Variants in SYTL1 observed in about 807,000 individuals in gnomAD.
The protein encoded by SYTL1 is synaptotagmin-like protein 1.
SYTL1 carries 53 observed loss-of-function variants against 74.6 expected under a neutral mutation model. The observed-to-expected ratio is 0.71, with a 90% CI of 0.57 to 0.89. The LOEUF (loss-of-function observed/expected upper bound fraction) is 0.89, where lower values mean the gene tolerates loss of function less well. Ranked by LOEUF, SYTL1 falls within the 40% of genes least tolerant of loss-of-function variation. SYTL1 has a pLI of 0.00. For synonymous variants in SYTL1, 329 were observed against 324.9 expected (o/e 1.01, Z -0.14); for missense variants, 728 against 768.7 (o/e 0.95, Z 0.63).
In SYTL1 at chr1:27,347,907, G is replaced by A. The variant is rs1213399681; in HGVS notation, c.413+27G>A. The A allele has an allele frequency of 1.2e-6, 2 of 1,613,634 alleles. No individual in the cohort carries two copies. Among genetic ancestry groups the A allele is most frequent in the East Asian group, 2.2e-5 (1 of 44,890 alleles). ...TGAGGAGGAGTCTCAGGAAGGGGGAGATGGTGCCCACCAGTCACCAGGGTC... is the reference window on the plus strand; with the variant it reads ...TGAGGAGGAGTCTCAGGAAGGGGGAAATGGTGCCCACCAGTCACCAGGGTC... On this transcript the variant is annotated intron_variant, in intron 4 of 14. Coordinates refer to ENST00000616558, the MANE Select transcript of SYTL1 (RefSeq NM_001193308.2). This position sits in a 1 kb window ranked among gnomAD's most constrained non-coding sequence, Gnocchi z 4.9.
In SYTL1 at chr1:27,350,575, A is replaced by G. The variant is rs41291092; in HGVS notation, c.1005+90A>G. On this transcript the variant is annotated intron_variant, in intron 10 of 14. Transcript: ENST00000616558. The surrounding 1 kb of genome is among the most constrained non-coding windows in gnomAD (Gnocchi z 6.3). ...GGTGGCAAGGGCAGCCAGTAACGTC[A>G]TTGCCCGGAGGATCGGCGGAGGGGG... 5 of 1,213,660 alleles carry G rather than the reference A, an allele frequency of 4.1e-6. No individual in the cohort carries two copies. The highest frequency in any genetic ancestry group is 1.5e-5 in the African/African-American group (1 of 67,002). 75.2% of individuals were successfully genotyped at this position (1,213,660 alleles called of 1,614,324 possible). A position where few individuals can be genotyped will look rare whatever the true frequency, so the allele number is the denominator to read the frequency against.
At position 27,351,362 on chromosome 1, in the gene SYTL1, C is replaced by A; in HGVS notation, c.1243+26C>A. ...GTGAGTGACAGCCGGAGAGGCCAAG[C>A]TGGACACGCCCTGAAAAGCGGGAGA... On this transcript the variant is annotated intron_variant, in intron 12 of 14. Transcript: ENST00000616558. This position sits in a 1 kb window ranked among gnomAD's most constrained non-coding sequence, Gnocchi z 5.0. The A allele has an allele frequency of 2.6e-6, 4 of 1,526,302 alleles. No homozygotes were observed. Among genetic ancestry groups the A allele is most frequent in the Non-Finnish European group, 3.5e-6 (4 of 1,133,678 alleles). 94.5% of individuals were successfully genotyped at this position (1,526,302 alleles called of 1,614,324 possible). A position where few individuals can be genotyped will look rare whatever the true frequency, so the allele number is the denominator to read the frequency against.
Position 27,343,657 on chromosome 1 carries a change from C to A in SYTL1, c.-39+1507C>A, listed in dbSNP as rs1328559473. Among the ~76,000 whole-genome samples the A allele has an allele frequency of 6.6e-6, 1 of 151,876 alleles. No individual in the cohort carries two copies. The highest frequency in any genetic ancestry group is 1.5e-5 in the Non-Finnish European group (1 of 67,968). On this transcript the variant is annotated intron_variant, in intron 1 of 14. Transcript: ENST00000616558. The surrounding 1 kb of genome is among the most constrained non-coding windows in gnomAD (Gnocchi z 5.2). ...AGGTGGGTGGTTGTATGTGTGCATTCCCATGTGTGTGCAGGCATATTTCTG... is the reference window on the plus strand; with the variant it reads ...AGGTGGGTGGTTGTATGTGTGCATTACCATGTGTGTGCAGGCATATTTCTG...
At chr1:27,353,240 AGTGTGAGGGGG>A in intron 13 of SYTL1, 32 bp from the exon 14 acceptor site, 1 of 1,542,572 alleles carries the variant, frequency 6.5e-7, no homozygotes, top group African/African-American at 1.4e-5. Context: ...GACTCTAGGG[AGTGTGAGGGGG>A]GTCACCTGAT....
chr1:27,346,588 C>A (rs1364838200), intron 2 of SYTL1, among the ~76,000 whole-genome samples: 2 of 151,960 alleles, frequency 1.3e-5, no homozygotes, highest in Non-Finnish European at 2.9e-5. Flanking sequence ...CACAGTGAGA[C>A]CCCATTCCTA....
chr1:27,353,525 A>G, intron 14 of SYTL1, 37 bp downstream of exon 14: 4 of 1,569,822 alleles, frequency 2.5e-6, no homozygotes, highest in Non-Finnish European at 3.5e-6. Flanking sequence ...GCCCTGGGAC[A>G]GGCCCTGGGA....
At chr1:27,353,239 G>A in intron 13 of SYTL1, 44 bp from the exon 14 acceptor site, 1 of 1,542,008 alleles carries the variant, frequency 6.5e-7, no homozygotes, top group Admixed American at 1.9e-5. Flanking sequence ...TGACTCTAGG[G>A]AGTGTGAGGG....
At position 27,351,676 on chromosome 1, in the gene SYTL1, G is replaced by C; in HGVS notation, c.1343+121G>C. The C allele has an allele frequency of 1.5e-6, 1 of 659,844 alleles. No individual in the cohort carries two copies. The highest frequency in any genetic ancestry group is 2.5e-6 in the Non-Finnish European group (1 of 397,414). The allele number at this position is 659,844 out of a possible 1,614,324, so 40.9% of individuals were successfully genotyped here. A position where few individuals can be genotyped will look rare whatever the true frequency, so the allele number is the denominator to read the frequency against. On this transcript the variant is annotated intron_variant, in intron 13 of 14. Coordinates refer to ENST00000616558, the MANE Select transcript of SYTL1 (RefSeq NM_001193308.2). The surrounding 1 kb of genome is among the most constrained non-coding windows in gnomAD (Gnocchi z 5.0). ...GCCTGGGCTTTCACCACTGAGCAGG[G>C]GTGAAGGGGACGGTTTGAGCAAAGG...
rs201041753 is a variant in SYTL1, at chr1:27,343,900, C to A, written c.-38-1397C>A. ...GGTGAACCCATCCGGGTGGGCCTAT[C>A]CCCATTGGTGTGCATATGCTGTGTG... On this transcript the variant is annotated intron_variant, in intron 1 of 14. Transcript: ENST00000616558. The surrounding 1 kb of genome is among the most constrained non-coding windows in gnomAD (Gnocchi z 5.2). Among the ~76,000 whole-genome samples, 11 of 152,238 alleles carry A rather than the reference C, an allele frequency of 7.2e-5. No individual in the cohort carries two copies. The East Asian group carries it at 2.1e-3, about 29-fold the overall frequency.
At position 27,351,466 on chromosome 1, in the gene SYTL1, G is replaced by A; in HGVS notation, c.1254G>A (p.Leu418=). The A allele has an allele frequency of 6.5e-7, 1 of 1,541,178 alleles. No individual in the cohort carries two copies. The highest frequency in any genetic ancestry group is 8.8e-7 in the Non-Finnish European group (1 of 1,142,332). Residue 418 remains leucine, a synonymous_variant, in exon 13 of 15, where the codon CTG becomes CTA. Transcript: ENST00000616558. The surrounding 1 kb of genome is among the most constrained non-coding windows in gnomAD (Gnocchi z 5.0). ...YVPAGSEGAG[L]PPSGELHFWV... ...CGAGCCTCTCCGCAGGCGCAGGACT[G>A]CCCCCGAGCGGGGAGCTGCACTTCT...
rs751196329 is a variant in SYTL1, at chr1:27,349,696, G to A, written c.678G>A (p.Pro226=). The change falls in exon 8 of 15, where the codon CCG becomes CCA. Residue 226 remains proline (P), a synonymous_variant. Transcript: ENST00000616558. Reference sequence around the variant, plus strand: ...TCCTGGAGAATGGGGAGGAGGCCCCGGGGCCCGACCCCTCTCTCGACCGCA... The same window carrying A: ...TCCTGGAGAATGGGGAGGAGGCCCCAGGGCCCGACCCCTCTCTCGACCGCA... ...SQILENGEEA[P]GPDPSLDRML... The A allele has an allele frequency of 1.8e-5, 29 of 1,611,166 alleles. No individual in the cohort carries two copies. The highest frequency in any genetic ancestry group is 1.8e-4 in the South Asian group (16 of 90,876).
In SYTL1 at chr1:27,342,229, C is replaced by T. The variant is rs1009344396; in HGVS notation, c.-39+79C>T. On this transcript the variant is annotated intron_variant, in intron 1 of 14. Coordinates refer to ENST00000616558, the MANE Select transcript of SYTL1 (RefSeq NM_001193308.2). The surrounding 1 kb of genome is among the most constrained non-coding windows in gnomAD (Gnocchi z 4.7). ...GCCACCTGGTATCCTGAGCACCCTC[C>T]AGCACCTTGGGGTTGGGGGAGGTGG... 1.6e-5 allele frequency: 10 copies of T among 610,606 alleles called. No individual in the cohort carries two copies. The highest frequency in any genetic ancestry group is 4.1e-6 in the Non-Finnish European group (2 of 487,932). 37.8% of individuals were successfully genotyped at this position (610,606 alleles called of 1,614,324 possible).
In SYTL1 at chr1:27,348,958, G is replaced by T; in HGVS notation, c.460-122G>T. ...GCTGGCTGCCAGCCCTGCCCGGAGG[G>T]CTGCCCTAAACCTGAAACTGGGGTA... is the stretch of plus-strand genomic sequence containing the variant. On this transcript the variant is annotated intron_variant, in intron 5 of 14. Coordinates refer to ENST00000616558, the MANE Select transcript of SYTL1 (RefSeq NM_001193308.2). The surrounding 1 kb of genome is among the most constrained non-coding windows in gnomAD (Gnocchi z 4.1). The T allele has an allele frequency of 6.6e-6, 5 of 756,460 alleles. No homozygotes were observed. The highest frequency in any genetic ancestry group is 1.1e-5 in the Non-Finnish European group (5 of 459,838). The allele number at this position is 756,460 out of a possible 1,614,324, so 46.9% of individuals were successfully genotyped here. A position where few individuals can be genotyped will look rare whatever the true frequency, so the allele number is the denominator to read the frequency against.
rs1329917817 is a variant in SYTL1 at position 27,348,740 on chromosome 1, GA to G, written c.460-334del. Among the ~76,000 whole-genome samples the G allele has an allele frequency of 1.3e-5, 2 of 151,946 alleles. No individual in the cohort carries two copies. The highest frequency in any genetic ancestry group is 2.4e-5 in the African/African-American group (1 of 41,382). On this transcript the variant is annotated intron_variant, in intron 5 of 14. Transcript: ENST00000616558. The surrounding 1 kb of genome is among the most constrained non-coding windows in gnomAD (Gnocchi z 4.1). ...AATAATAAGAATAAATTTAAAAAAA[GA>G]AAAAAGGTTGTCTACCAATGGGTCA...
rs1464671379 is a variant in SYTL1 at position 27,349,515 on chromosome 1, C to T, written c.633+17C>T. The T allele has an allele frequency of 1.5e-6, 2 of 1,366,638 alleles. No homozygotes were observed. Among genetic ancestry groups the T allele is most frequent in the Non-Finnish European group, 1.9e-6 (2 of 1,048,340 alleles). 84.7% of individuals were successfully genotyped at this position (1,366,638 alleles called of 1,614,324 possible). On this transcript the variant is annotated intron_variant, in intron 7 of 14. Coordinates refer to ENST00000616558, the MANE Select transcript of SYTL1 (RefSeq NM_001193308.2). ...CAAGCCCAGGTAGGCGGGAGTGGCC[C>T]GTGGCTGCTCTCAACATCCGGAGCG...
Position 27,351,243 on chromosome 1 carries a change from G to C in SYTL1, c.1165-15G>C. Reference sequence around the variant, plus strand: ...TCCATTAGCCCCTGCTCCACGATAAGCCCGCCTCTCGCAGGTCCCACCCTC... The same window carrying C: ...TCCATTAGCCCCTGCTCCACGATAACCCCGCCTCTCGCAGGTCCCACCCTC... On this transcript the variant is annotated splice_polypyrimidine_tract_variant and intron_variant, in intron 11 of 14. Transcript: ENST00000616558. The surrounding 1 kb of genome is among the most constrained non-coding windows in gnomAD (Gnocchi z 5.0). 2 of 1,551,062 alleles carry C rather than the reference G, an allele frequency of 1.3e-6. No individual in the cohort carries two copies. The highest frequency in any genetic ancestry group is 1.7e-6 in the Non-Finnish European group (2 of 1,148,344).
intron 8 of SYTL1, 91 bp downstream of exon 8, chr1:27,349,856 AC>A (rs1298932737): frequency 2.6e-6 from 4 of 1,534,312 alleles, no homozygotes; most frequent in Non-Finnish European, 3.5e-6. Flanking sequence ...CGCGGGACCC[AC>A]CGCTGCAGCC....
rs774532902 is a variant in SYTL1 at position 27,351,266 on chromosome 1, C to T, written c.1173C>T (p.Pro391=). 9.0e-6 allele frequency: 14 copies of T among 1,558,966 alleles called. No individual in the cohort carries two copies. Among genetic ancestry groups the T allele is most frequent in the Non-Finnish European group, 1.1e-5 (13 of 1,152,784 alleles). ...TWLPLQPRVP[P]SPDDLPSRGL... Reference sequence around the variant, plus strand: ...AAGCCCGCCTCTCGCAGGTCCCACCCTCTCCCGACGACCTTCCGAGCCGCG... The same window carrying T: ...AAGCCCGCCTCTCGCAGGTCCCACCTTCTCCCGACGACCTTCCGAGCCGCG... The change falls in exon 12 of 15, where the codon CCC becomes CCT. Residue 391 remains proline (P), a synonymous_variant. Transcript: ENST00000616558. The surrounding 1 kb of genome is among the most constrained non-coding windows in gnomAD (Gnocchi z 5.0).
At chr1:27,353,682 A>G in intron 14 of SYTL1, 31 bp from the exon 15 acceptor site, 1 of 1,602,890 alleles carries the variant, frequency 6.2e-7, no homozygotes, top group Non-Finnish European at 8.5e-7. Context: ...CAGTGTGATC[A>G]TGCCCTCAAC....
Sources: allele counts gnomAD v4.1 joint callset (sites outside exome capture counted in the v4.1 genomes callset), GRCh38; gene constraint gnomAD v4.1.1; non-coding constraint Gnocchi (gnomAD v3.1); transcripts MANE v1.5; gene names NCBI Gene and HGNC (gene_info 2026-07-23, HGNC 2026-07-21).